TOR3A: variants seen among roughly 807,000 people sequenced by gnomAD.
TOR3A encodes the protein torsin family 3 member A, also known as torsin-3A.
Under a neutral mutation model 42.1 loss-of-function variants are expected in TOR3A, and 44 were observed. That is an observed-to-expected ratio of 1.04 (90% CI 0.82 to 1.34). The LOEUF (loss-of-function observed/expected upper bound fraction) is 1.34. TOR3A is among the 40% of genes most tolerant of loss of function. The probability of loss-of-function intolerance (pLI) is 0.00; values close to 1 mark genes in which losing one functional copy is unlikely to be tolerated. For synonymous variants in TOR3A, 227 were observed against 213.2 expected (o/e 1.06, Z -0.57); for missense variants, 521 against 507.6 (o/e 1.03, Z -0.25).
chr1:179,088,316 T>A (rs770117009), intron 4 of TOR3A: 8 of 356,030 alleles, frequency 2.2e-5, no homozygotes, highest in Non-Finnish European at 4.0e-5. Flanking sequence ...AAGACCAGCC[T>A]GGGCAACATA....
Position 179,095,209 on chromosome 1 carries a change from C to T in TOR3A, c.1185C>T (p.Phe395=). 6.2e-7 allele frequency: 1 copy of T among 1,613,872 alleles called. No homozygotes were observed. Residue 395 remains phenylalanine (F), a synonymous_variant, in exon 6 of 6, where the codon TTC becomes TTT. Transcript: ENST00000367627. ...CKSISQRINY[F]LS ...CTATTTCCCAGAGGATTAACTACTT[C>T]CTGTCATGAAGGCTAGAGGAAGACT... is the stretch of plus-strand genomic sequence containing the variant.
At chr1:179,088,973 G>T (rs774718321) in intron 4 of TOR3A, among the ~76,000 whole-genome samples, 1 of 152,132 alleles carries the variant, frequency 6.6e-6, no homozygotes, top group Non-Finnish European at 1.5e-5. Flanking sequence ...TTGCTTGCTG[G>T]GGGGGTTTCC....
Position 179,085,622 on chromosome 1 carries a change from C to A in TOR3A, c.374-6C>A. Reference sequence around the variant, plus strand: ...TTTGCTGTGACTACCTCTTTCCTGTCCTTAGGCTTAGAGTGGGACCTGAAT... The same window carrying A: ...TTTGCTGTGACTACCTCTTTCCTGTACTTAGGCTTAGAGTGGGACCTGAAT... On this transcript the variant is annotated splice_polypyrimidine_tract_variant and splice_region_variant and intron_variant, in intron 2 of 5. Coordinates refer to ENST00000367627, the MANE Select transcript of TOR3A (RefSeq NM_022371.4). 1 of 1,613,566 alleles carries A rather than the reference C, an allele frequency of 6.2e-7. No homozygotes were observed. The highest frequency in any genetic ancestry group is 8.5e-7 in the Non-Finnish European group (1 of 1,179,590).
In TOR3A at chr1:179,085,722, G is replaced by T. The variant is rs1265350093; in HGVS notation, c.468G>T (p.Gln156His). The change falls in exon 3 of 6, where the codon CAG becomes CAT. Residue 156 changes from glutamine (Q) to histidine (H), a missense_variant. By Grantham distance (24) the Gln-to-His change is conservative. Coordinates refer to ENST00000367627, the MANE Select transcript of TOR3A (RefSeq NM_022371.4). ...RTVRGYLETP[Q>H]PEKALALSFH... The stretch of plus-strand genomic sequence containing the variant: ...TGAGGGGCTACTTAGAGACGCCCCA[G>T]CCAGAAAAGGCCCTTGCTCTGTCGT... 1 of 1,614,232 alleles carries T rather than the reference G, an allele frequency of 6.2e-7. No individual in the cohort carries two copies. The highest frequency in any genetic ancestry group is 1.1e-5 in the South Asian group (1 of 91,090).
intron 1 of TOR3A, 101 bp downstream of exon 1, chr1:179,082,488 C>T (rs1652316814): frequency 3.5e-6 from 5 of 1,444,402 alleles, no homozygotes; most frequent in Non-Finnish European, 4.6e-6. Flanking sequence ...CATCTGGGCC[C>T]GCAGTCCTGC....
chr1:179,095,263 G>GTCCTT lies in TOR3A; in HGVS notation c.*45_*46insTCCTT. The GTCCTT allele has an allele frequency of 6.2e-7, 1 of 1,608,062 alleles. No homozygotes were observed. Among genetic ancestry groups the GTCCTT allele is most frequent in the Admixed American group, 1.7e-5 (1 of 59,748 alleles). ...TGGAACTGCCTTTCTTCCACTAACAGGACCCTGGGACCTGTAGGAGCACCC... is the reference window on the plus strand; with the variant it reads ...TGGAACTGCCTTTCTTCCACTAACAGTCCTTGACCCTGGGACCTGTAGGAGCACCC... On this transcript the variant is annotated 3_prime_UTR_variant, in exon 6 of 6. Transcript: ENST00000367627.
At chr1:179,087,797 G>A in intron 3 of TOR3A, 114 bp from the exon 4 acceptor site, 3 of 955,004 alleles carry the variant, frequency 3.1e-6, no homozygotes, top group South Asian at 1.9e-5. Flanking sequence ...GGGGCGGGGG[G>A]TGGGGAACCC....
chr1:179,088,107 A>G lies in TOR3A; in HGVS notation c.818+18A>G. On this transcript the variant is annotated intron_variant, in intron 4 of 5. Coordinates refer to ENST00000367627, the MANE Select transcript of TOR3A (RefSeq NM_022371.4). ...TTTCTCAGGTGGGTTCTGGGGAACA[A>G]TAGTCAGGAGGGCTGGGGGAGGGGA... 1 of 1,550,650 alleles carries G rather than the reference A, an allele frequency of 6.4e-7. No individual in the cohort carries two copies. Among genetic ancestry groups the G allele is most frequent in the Non-Finnish European group, 8.7e-7 (1 of 1,149,494 alleles).
chr1:179,087,927 A>G lies in TOR3A; in HGVS notation c.656A>G (p.Gln219Arg). 2.5e-6 allele frequency: 4 copies of G among 1,595,148 alleles called. No individual in the cohort carries two copies. The highest frequency in any genetic ancestry group is 3.4e-6 in the Non-Finnish European group (4 of 1,171,078). Residue 219 changes from glutamine to arginine, a missense_variant, in exon 4 of 6, where the codon CAG becomes CGG. Coordinates refer to ENST00000367627, the MANE Select transcript of TOR3A (RefSeq NM_022371.4). ...VDLYKEQLMSQIRETQQLCHQ... is the reference protein window; with the variant it reads ...VDLYKEQLMSRIRETQQLCHQ... ...CCCGTGCAGGAGCAGCTGATGAGCCAGATCCGGGAGACGCAGCAGCTCTGC... is the reference window on the plus strand; with the variant it reads ...CCCGTGCAGGAGCAGCTGATGAGCCGGATCCGGGAGACGCAGCAGCTCTGC...
chr1:179,083,111 G>A, intron 2 of TOR3A, 58 bp downstream of exon 2: 1 of 1,094,468 alleles, frequency 9.1e-7, no homozygotes, highest in Non-Finnish European at 1.3e-6. Flanking sequence ...AGGCAGTCCA[G>A]GGGAAATGGT....
chr1:179,095,448 C>A lies in TOR3A; in HGVS notation c.*230C>A. 7.2e-7 allele frequency: 1 copy of A among 1,383,634 alleles called. No individual in the cohort carries two copies. The allele number at this position is 1,383,634 out of a possible 1,614,324, so 85.7% of individuals were successfully genotyped here. ...CCGAGATAGATAGGAACTTGGATTG[C>A]TGAATTCAAAAACAGAGCCCATTCT... On this transcript the variant is annotated 3_prime_UTR_variant, in exon 6 of 6. Transcript: ENST00000367627.
intron 3 of TOR3A, 105 bp from the exon 4 acceptor site, chr1:179,087,806 C>G (rs1652472301): frequency 1.7e-6 from 2 of 1,154,800 alleles, no homozygotes; most frequent in Non-Finnish European, 2.4e-6. Context: ...GGTGGGGAAC[C>G]CAGCCCCAGG....
intron 4 of TOR3A, among the ~76,000 whole-genome samples, chr1:179,092,889 A>G (rs1652630039): frequency 6.6e-6 from 1 of 152,028 alleles, no homozygotes; most frequent in African/African-American, 2.4e-5. Context: ...CTGCAGTCTC[A>G]GCTACTTAGG....
At chr1:179,091,966 C>T (rs1004430083) in intron 4 of TOR3A, among the ~76,000 whole-genome samples, 1 of 152,226 alleles carries the variant, frequency 6.6e-6, no homozygotes, top group Non-Finnish European at 1.5e-5. Context: ...CCGGGGAAAG[C>T]CTGGCTGAGC....
At position 179,089,159 on chromosome 1, in the gene TOR3A, A is replaced by T. The variant is rs1652512694; in HGVS notation, c.818+1070A>T. Among the ~76,000 whole-genome samples, 3 of 152,082 alleles carry T rather than the reference A, an allele frequency of 2.0e-5. No homozygotes were observed. In the South Asian group the frequency reaches 6.2e-4, roughly 32 times the overall value. On this transcript the variant is annotated intron_variant, in intron 4 of 5. Coordinates refer to ENST00000367627, the MANE Select transcript of TOR3A (RefSeq NM_022371.4). ...GTCCAGGCGCAGTGGCCTGTCTACT[A>T]AAAATACAAAAATTAGCTGGGTGTG...
rs778078170 is a variant in TOR3A, at chr1:179,094,135, G to A, written c.861G>A (p.Leu287=). The A allele has an allele frequency of 6.2e-7, 1 of 1,614,100 alleles. No individual in the cohort carries two copies. Among genetic ancestry groups the A allele is most frequent in the South Asian group, 1.1e-5 (1 of 91,080 alleles). The change falls in exon 5 of 6, where the codon TTG becomes TTA. Residue 287 remains leucine, a synonymous_variant. Transcript: ENST00000367627. Reference sequence around the variant, plus strand: ...TAATCAATGAGGTGGTCCTAAAGTTGCTCAAGGCTGGATGGTCCCGGGAAG... The same window carrying A: ...TAATCAATGAGGTGGTCCTAAAGTTACTCAAGGCTGGATGGTCCCGGGAAG... The part of the protein sequence containing the change: ...GDIINEVVLK[L]LKAGWSREEI...
Position 179,095,550 on chromosome 1 carries a change from A to C in TOR3A, c.*332A>C, listed in dbSNP as rs1269904633. The C allele has an allele frequency of 2.0e-5, 23 of 1,173,172 alleles. No homozygotes were observed. The Admixed American group carries it at 9.1e-4, about 46-fold the overall frequency. 72.7% of individuals were successfully genotyped at this position (1,173,172 alleles called of 1,614,324 possible). A position where few individuals can be genotyped will look rare whatever the true frequency, so the allele number is the denominator to read the frequency against. ...AAGAAAGTGGGCCAGGTGGTTGAAGAAAGCCATGTGGGAGCTCAGCAAATC... is the reference window on the plus strand; with the variant it reads ...AAGAAAGTGGGCCAGGTGGTTGAAGCAAGCCATGTGGGAGCTCAGCAAATC... On this transcript the variant is annotated 3_prime_UTR_variant, in exon 6 of 6. Coordinates refer to ENST00000367627, the MANE Select transcript of TOR3A (RefSeq NM_022371.4).
intron 5 of TOR3A, 60 bp downstream of exon 5, chr1:179,094,277 T>G (rs1652674911): frequency 6.4e-7 from 1 of 1,565,704 alleles, no homozygotes; most frequent in Non-Finnish European, 8.7e-7. Context: ...ATTAATGTGT[T>G]TGTTGGAATG....
Position 179,095,098 on chromosome 1 carries a change from T to TAA in TOR3A, c.1076_1077dup (p.Glu360LysfsTer8). On this transcript the variant is annotated frameshift_variant, in exon 6 of 6. Coordinates refer to ENST00000367627, the MANE Select transcript of TOR3A (RefSeq NM_022371.4). LOFTEE classifies it high-confidence loss of function. ...CCTTCCTGAGCCAGGAGCTCCTGTA[T>TAA]AAAGAAGAGACACTGGATGAAATAG... 6.2e-7 allele frequency: 1 copy of TAA among 1,614,206 alleles called. No individual in the cohort carries two copies. The highest frequency in any genetic ancestry group is 1.3e-5 in the African/African-American group (1 of 75,052).
Sources: gnomAD v4.1 joint callset for allele counts (sites outside exome capture counted in the v4.1 genomes callset) on GRCh38, gnomAD v4.1.1 for gene constraint, MANE v1.5 for transcripts, NCBI Gene and HGNC (gene_info 2026-07-23, HGNC 2026-07-21) for gene names.